Variants in BAIAP3 observed in about 807,000 individuals in gnomAD.
BAIAP3 encodes the protein BAI1-associated protein 3.
BAIAP3 carries 180 observed loss-of-function variants against 149.7 expected under a neutral mutation model. That is an observed-to-expected ratio of 1.20 (90% CI 1.07 to 1.36). BAIAP3 has a LOEUF of 1.36. Among genes scored for constraint, BAIAP3 ranks in the 40% most tolerant of loss-of-function variants. The probability of loss-of-function intolerance (pLI) is 0.00; values close to 1 mark genes in which losing one functional copy is unlikely to be tolerated. For synonymous variants in BAIAP3, 845 were observed against 670.7 expected, an observed-to-expected ratio of 1.26 and a Z score of -4.02; for missense variants, 1,767 against 1,563.4, an observed-to-expected ratio of 1.13 and a Z score of -2.20.
chr16:1,341,433 G>A lies in BAIAP3; in HGVS notation c.675G>A (p.Gln225=). Residue 225 remains glutamine (Q), a synonymous_variant, in exon 8 of 34, where the codon CAG becomes CAA. Coordinates refer to ENST00000426824, the MANE Select transcript of BAIAP3 (RefSeq NM_001199097.2). ...GACCCCTGCCTGCCAAGTGCATCCA[G>A]GTCACCGAGGTGAAGAGCAGCACCC... ...RGGPLPAKCI[Q]VTEVKSSTLN... 6.2e-7 allele frequency: 1 copy of A among 1,612,536 alleles called. No homozygotes were observed. The highest frequency in any genetic ancestry group is 8.5e-7 in the Non-Finnish European group (1 of 1,179,784).
At chr16:1,341,704 C>G in intron 8 of BAIAP3, 118 bp from the exon 9 acceptor site, 1 of 1,256,368 alleles carries the variant, frequency 8.0e-7, no homozygotes. Flanking sequence ...TGGACCTGAA[C>G]AGCCTGTCTG....
chr16:1,334,587 G>C (rs1027985537), intron 1 of BAIAP3: 1 of 1,413,876 alleles, frequency 7.1e-7, no homozygotes, highest in African/African-American at 1.4e-5. Flanking sequence ...GACCTTGGCA[G>C]CCGTCTGAGG....
At chr16:1,337,465 C>T (rs552119234) in intron 1 of BAIAP3, among the ~76,000 whole-genome samples, 54 of 152,328 alleles carry the variant, frequency 3.5e-4, no homozygotes, top group African/African-American at 8.2e-4. Context: ...TTGCGGTGAG[C>T]GGAGACTGCG....
At chr16:1,334,381 G>A in intron 1 of BAIAP3, 2 of 474,640 alleles carry the variant, frequency 4.2e-6, no homozygotes, top group South Asian at 2.7e-5. Flanking sequence ...CCCCTCCGAG[G>A]GGAGAGACCC....
chr16:1,348,478 CCT>C lies in BAIAP3; in HGVS notation c.3456_3457del (p.Ter1153SerfsTer143), dbSNP rs771000812. The C allele has an allele frequency of 1.4e-4, 220 of 1,607,748 alleles. No homozygotes were observed. Among genetic ancestry groups the C allele is most frequent in the Non-Finnish European group, 1.8e-4 (211 of 1,177,794 alleles). On this transcript the variant is annotated frameshift_variant and stop_lost, in exon 34 of 34. Transcript: ENST00000426824. LOFTEE classifies it high-confidence loss of function. ...CTGGAGAAGTGCATGGAGGCGGACC[CCT>C]GAGTCCATCAGCTGCCAGCCCCGGC...
chr16:1,348,203 G>A lies in BAIAP3; in HGVS notation c.3257G>A (p.Gly1086Asp). ...TNDFAGEAAL[G>D]LGGVTGVARP... ...GACTTCGCTGGGGAGGCGGCCCTCG[G>A]CCTAGGTGGCGTCACTGGTGTCGCC... Residue 1086 changes from glycine (G) to aspartate (D), a missense_variant, in exon 33 of 34, where the codon GGC becomes GAC. Transcript: ENST00000426824. The A allele has an allele frequency of 1.2e-6, 2 of 1,608,866 alleles. No individual in the cohort carries two copies.
chr16:1,334,343 G>T (rs1398500207), intron 1 of BAIAP3, among the ~76,000 whole-genome samples: 2 of 152,050 alleles, frequency 1.3e-5, no homozygotes, highest in African/African-American at 4.8e-5. Flanking sequence ...CACTAGACCC[G>T]CCCCCAGACT....
rs761157065 is a variant in BAIAP3, at chr16:1,342,641, A to C, written c.1065+7A>C. On this transcript the variant is annotated splice_region_variant and intron_variant, in intron 12 of 33. Transcript: ENST00000426824. Reference sequence around the variant, plus strand: ...CAAGCTGATCACTACGCAGGTGGGGAAAGTGGGCGTCCCCGTCCTCCACCC... The same window carrying C: ...CAAGCTGATCACTACGCAGGTGGGGCAAGTGGGCGTCCCCGTCCTCCACCC... The C allele has an allele frequency of 1.9e-6, 3 of 1,594,252 alleles. No homozygotes were observed. The South Asian group carries it at 3.4e-5, about 18-fold the overall frequency.
chr16:1,346,646 C>A lies in BAIAP3; in HGVS notation c.2604C>A (p.Ala868=). ...TGAAGTACCTGGATGAGAAGCTGGC[C>A]CTGCTGAACGCCTCGCTGGTGAAGG... ...PLMKYLDEKL[A]LLNASLVKGN... Residue 868 remains alanine, a synonymous_variant, in exon 27 of 34, where the codon GCC becomes GCA. Coordinates refer to ENST00000426824, the MANE Select transcript of BAIAP3 (RefSeq NM_001199097.2). 3.9e-6 allele frequency: 6 copies of A among 1,528,332 alleles called. No individual in the cohort carries two copies. The highest frequency in any genetic ancestry group is 1.4e-5 in the African/African-American group (1 of 72,132). 94.7% of individuals were successfully genotyped at this position (1,528,332 alleles called of 1,614,324 possible).
intron 1 of BAIAP3, among the ~76,000 whole-genome samples, chr16:1,337,663 C>T (rs902727879): frequency 6.6e-6 from 1 of 152,228 alleles, no homozygotes; most frequent in Non-Finnish European, 1.5e-5. Context: ...CCAGCGGTGA[C>T]ATCTGGGCTG....
Position 1,338,526 on chromosome 16 carries a change from GCT to G in BAIAP3, c.-10-9_-10-8del. 6.2e-7 allele frequency: 1 copy of G among 1,602,738 alleles called. No homozygotes were observed. Among genetic ancestry groups the G allele is most frequent in the Non-Finnish European group, 8.5e-7 (1 of 1,175,464 alleles). The stretch of plus-strand genomic sequence containing the variant: ...TGGACGACCTGAGGCTGCGGGCTGT[GCT>G]CTCTGCTGTAGGTCACCCGCCATGT... On this transcript the variant is annotated splice_polypyrimidine_tract_variant and intron_variant, in intron 1 of 33. Coordinates refer to ENST00000426824, the MANE Select transcript of BAIAP3 (RefSeq NM_001199097.2).
Position 1,345,743 on chromosome 16 carries a change from C to T in BAIAP3, c.2065-4C>T. 1 of 1,535,020 alleles carries T rather than the reference C, an allele frequency of 6.5e-7. No homozygotes were observed. Among genetic ancestry groups the T allele is most frequent in the Non-Finnish European group, 8.7e-7 (1 of 1,147,968 alleles). ...AGCAAACCCAGCCTCCCCTGCCTCC[C>T]TAGCTGGAGCCCGTGGACGCCTCCT... is the stretch of plus-strand genomic sequence containing the variant. On this transcript the variant is annotated splice_polypyrimidine_tract_variant and splice_region_variant and intron_variant, in intron 22 of 33. Coordinates refer to ENST00000426824, the MANE Select transcript of BAIAP3 (RefSeq NM_001199097.2).
At position 1,346,456 on chromosome 16, in the gene BAIAP3, C is replaced by G; in HGVS notation, c.2508C>G (p.Ile836Met). ...AHLTSKMVGD[I>M]RKYVQHISLS... ...CCTGCCCTCAGATGGTGGGCGACAT[C>G]CGCAAGTATGTACAGCACATCAGTC... Residue 836 changes from isoleucine to methionine, a missense_variant, in exon 26 of 34, where the codon ATC (isoleucine) becomes ATG (methionine). Ile to Met is a conservative substitution (Grantham distance 10). Coordinates refer to ENST00000426824, the MANE Select transcript of BAIAP3 (RefSeq NM_001199097.2). 1 of 1,612,496 alleles carries G rather than the reference C, an allele frequency of 6.2e-7. No individual in the cohort carries two copies. The highest frequency in any genetic ancestry group is 8.5e-7 in the Non-Finnish European group (1 of 1,179,730).
chr16:1,346,390 G>C, intron 25 of BAIAP3, 29 bp downstream of exon 25: 1 of 1,611,286 alleles, frequency 6.2e-7, no homozygotes, highest in Non-Finnish European at 8.5e-7. Flanking sequence ...CCAAGGCGTG[G>C]AGGCAGTCCC....
chr16:1,345,403 G>A (rs762051183), intron 22 of BAIAP3, 31 bp downstream of exon 22: 26 of 1,583,368 alleles, frequency 1.6e-5, no homozygotes, highest in Non-Finnish European at 2.2e-5. Context: ...AGGACACTGG[G>A]GCTGGTCCAG....
intron 22 of BAIAP3, 159 bp downstream of exon 22, chr16:1,345,531 C>CCTCCCCAGT: frequency 1.3e-6 from 1 of 776,310 alleles, no homozygotes; most frequent in Non-Finnish European, 1.9e-6. Context: ...GCAACCCCAG[C>CCTCCCCAGT]CTCCCCAGCA....
intron 1 of BAIAP3, among the ~76,000 whole-genome samples, chr16:1,337,769 C>G (rs1413042323): frequency 6.6e-6 from 1 of 152,212 alleles, no homozygotes; most frequent in East Asian, 1.9e-4. Context: ...TGGGAGGGAA[C>G]TGTAGCCCCT....
Position 1,341,873 on chromosome 16 carries a change from G to A in BAIAP3, c.776+7G>A, listed in dbSNP as rs569479086. 1.6e-5 allele frequency: 26 copies of A among 1,610,806 alleles called. No homozygotes were observed. In the Middle Eastern group the frequency reaches 6.6e-4, roughly 41 times the overall value. On this transcript the variant is annotated splice_region_variant and intron_variant, in intron 9 of 33. Coordinates refer to ENST00000426824, the MANE Select transcript of BAIAP3 (RefSeq NM_001199097.2). ...AGCTGCACCTGGACATCTGGTACAG[G>A]CCCCTGCGCCATGCAGGGCGGCGGG...
At chr16:1,337,461 T>C (rs955069266) in intron 1 of BAIAP3, among the ~76,000 whole-genome samples, 3 of 152,200 alleles carry the variant, frequency 2.0e-5, no homozygotes, top group Non-Finnish European at 4.4e-5. Context: ...GAGGTTGCGG[T>C]GAGCGGAGAC....
Sources: allele counts gnomAD v4.1 joint callset (sites outside exome capture counted in the v4.1 genomes callset), GRCh38; gene constraint gnomAD v4.1.1; transcripts MANE v1.5; gene names NCBI Gene and HGNC (gene_info 2026-07-23, HGNC 2026-07-21).